The following BLK variants were observed in gnomAD, a reference collection of about 807,000 sequenced individuals.
The protein encoded by BLK is tyrosine-protein kinase Blk.
In BLK, 64 loss-of-function variants were observed where a neutral mutation model predicts 61.8. That is an observed-to-expected ratio of 1.03 (90% CI 0.85 to 1.27). The LOEUF is 1.27. Among genes scored for constraint, BLK ranks in the 50% most tolerant of loss-of-function variants. BLK has a pLI of 0.00. For missense variants in BLK, 853 were observed against 660.5 expected, an observed-to-expected ratio of 1.29 and a Z score of -3.19; for synonymous variants, 351 against 272.0, an observed-to-expected ratio of 1.29 and a Z score of -2.86.
In BLK at chr8:11,556,786, G is replaced by T. The variant is rs774184337; in HGVS notation, c.901G>T (p.Ala301Ser). Residue 301 changes from alanine (A) to serine (S), a missense_variant, in exon 9 of 13, where the codon GCA (alanine) becomes TCA (serine). Coordinates refer to ENST00000259089, the MANE Select transcript of BLK (RefSeq NM_001715.3). ...GCACGAGCGGCTGGTCCGACTCTAC[G>T]CAGTGGTCACCAAGGAGCCCATCTA... ...LQHERLVRLY[A>S]VVTKEPIYIV... The T allele has an allele frequency of 6.2e-7, 1 of 1,614,190 alleles. No individual in the cohort carries two copies. Among genetic ancestry groups the T allele is most frequent in the Non-Finnish European group, 8.5e-7 (1 of 1,180,028 alleles).
intron 10 of BLK, chr8:11,558,741 G>A (rs892665250): frequency 2.2e-6 from 1 of 456,082 alleles, no homozygotes; most frequent in Non-Finnish European, 4.4e-6. Flanking sequence ...AAGCACATCT[G>A]GTGGCCCTGT....
At position 11,550,254 on chromosome 8, in the gene BLK, C is replaced by T. The variant is rs547792358; in HGVS notation, c.464C>T (p.Thr155Ile). Residue 155 changes from threonine to isoleucine, a missense_variant, in exon 6 of 13, where the codon ACC becomes ATC. Thr to Ile is a moderately conservative substitution (Grantham distance 89). Transcript: ENST00000259089. ...AGSFLIRESE[T>I]NKGAFSLSVK... ...TCCTTTCTTATCAGAGAGAGTGAAA[C>T]CAACAAAGGTAGGCTTGGTGGCTTT... The T allele has an allele frequency of 6.2e-7, 1 of 1,613,896 alleles. No homozygotes were observed. The highest frequency in any genetic ancestry group is 1.3e-5 in the African/African-American group (1 of 75,062).
At position 11,561,489 on chromosome 8, in the gene BLK, CCTTAT is replaced by C; in HGVS notation, c.1180+41_1180+45del. Reference sequence around the variant, plus strand: ...CCCTAACCACAAGGGAAACCTAGGGCCTTATCTTTCCCAGCTCCTCAAAGCCGCCT... The same window carrying C: ...CCCTAACCACAAGGGAAACCTAGGGCCTTTCCCAGCTCCTCAAAGCCGCCT... On this transcript the variant is annotated intron_variant, in intron 11 of 12. Transcript: ENST00000259089. 2.5e-6 allele frequency: 4 copies of C among 1,606,744 alleles called. No individual in the cohort carries two copies. In the South Asian group the frequency reaches 4.5e-5, roughly 18 times the overall value.
chr8:11,510,965 T>C (rs1264351999), intron 1 of BLK, among the ~76,000 whole-genome samples: 2 of 152,210 alleles, frequency 1.3e-5, no homozygotes, highest in Non-Finnish European at 2.9e-5. Flanking sequence ...TTTGGCATTT[T>C]AAAACACATG....
chr8:11,512,039 TCAAGTGG>T (rs2117290437), intron 1 of BLK, among the ~76,000 whole-genome samples: 1 of 152,304 alleles, frequency 6.6e-6, no homozygotes, highest in African/African-American at 2.4e-5. Flanking sequence ...CTACAATGTA[TCAAGTGG>T]TAAGATGGGG....
At position 11,523,739 on chromosome 8, in the gene BLK, A is replaced by G. The variant is rs558694369; in HGVS notation, c.-1-19485A>G. On this transcript the variant is annotated intron_variant, in intron 1 of 12. Coordinates refer to ENST00000259089, the MANE Select transcript of BLK (RefSeq NM_001715.3). ...AGACGTGGATGATCAAATCATAATA[A>G]GAGAAACACAAGTGGCTAATAAGTA... Among the ~76,000 whole-genome samples, 49 of 152,366 alleles carry G rather than the reference A, an allele frequency of 3.2e-4. 1 individual carries two copies. The Middle Eastern group carries it at 0.01, about 32-fold the overall frequency.
intron 1 of BLK, among the ~76,000 whole-genome samples, chr8:11,524,566 A>G (rs975273227): frequency 3.9e-5 from 6 of 152,244 alleles, no homozygotes; most frequent in African/African-American, 1.4e-4. Context: ...GCCAAAATAT[A>G]TCGGAAGACT....
At position 11,563,940 on chromosome 8, in the gene BLK, C is replaced by T. The variant is rs760562157; in HGVS notation, c.1350C>T (p.Arg450=). ...CCGAGGTCATCCGCAACCTGGAGCG[C>T]GGCTACCGCATGCCGCGCCCCGACA... ...SNPEVIRNLE[R]GYRMPRPDTC... is the part of the protein sequence containing the mutation. Residue 450 remains arginine, a synonymous_variant, in exon 13 of 13, where the codon CGC becomes CGT. Coordinates refer to ENST00000259089, the MANE Select transcript of BLK (RefSeq NM_001715.3). 1.2e-5 allele frequency: 19 copies of T among 1,607,944 alleles called. No individual in the cohort carries two copies. The South Asian group carries it at 1.8e-4, about 15-fold the overall frequency.
chr8:11,527,802 C>G (rs536864993), intron 1 of BLK, among the ~76,000 whole-genome samples: 2 of 151,624 alleles, frequency 1.3e-5, no homozygotes, highest in African/African-American at 4.9e-5. Flanking sequence ...CTCAAAAGAC[C>G]AATCTTAGGT....
chr8:11,549,845 C>T (rs1585399653), intron 5 of BLK: 1 of 395,934 alleles, frequency 2.5e-6, no homozygotes, highest in Non-Finnish European at 4.8e-6. Flanking sequence ...GCCTGTGATA[C>T]GCAGCTGTGC....
At chr8:11,553,824 G>A (rs1200481457) in intron 6 of BLK, among the ~76,000 whole-genome samples, 2 of 152,166 alleles carry the variant, frequency 1.3e-5, no homozygotes, top group Admixed American at 6.5e-5. Flanking sequence ...AGGATGGAAG[G>A]GGGTTGAGGC....
chr8:11,526,556 T>C (rs1247164686), intron 1 of BLK, among the ~76,000 whole-genome samples: 1 of 152,032 alleles, frequency 6.6e-6, no homozygotes, highest in East Asian at 1.9e-4. Context: ...CCATCTCTAA[T>C]ACAAATACAA....
chr8:11,525,393 C>T (rs970329786), intron 1 of BLK, among the ~76,000 whole-genome samples: 3 of 152,106 alleles, frequency 2.0e-5, no homozygotes, highest in African/African-American at 7.2e-5. Context: ...CAAAAATGTC[C>T]AGGTATTTTC....
intron 1 of BLK, among the ~76,000 whole-genome samples, chr8:11,534,044 C>G (rs1342073222): frequency 1.3e-5 from 2 of 152,186 alleles, no homozygotes; most frequent in African/African-American, 4.8e-5. Flanking sequence ...CATGACCTGC[C>G]TGCATCAGCA....
intron 1 of BLK, among the ~76,000 whole-genome samples, chr8:11,541,583 C>T (rs561137619): frequency 2.6e-5 from 4 of 151,892 alleles, no homozygotes; most frequent in East Asian, 1.9e-4. Context: ...CTACAACCTC[C>T]GCCTCCTGGG....
chr8:11,560,624 G>C, intron 10 of BLK: 2 of 341,722 alleles, frequency 5.9e-6, no homozygotes, highest in South Asian at 4.5e-5. Context: ...GCTATCCCTG[G>C]CCCAGGCTGG....
chr8:11,495,035 C>T (rs953780953), intron 1 of BLK, among the ~76,000 whole-genome samples: 1 of 152,138 alleles, frequency 6.6e-6, no homozygotes, highest in African/African-American at 2.4e-5. Flanking sequence ...CTGTTGCTTT[C>T]GTTTTATTTG....
rs1250870909 is a variant in BLK at position 11,553,289 on chromosome 8, C to T, written c.473-1454C>T. ...GTGAGGATAGACTAGTTTCACAGCT[C>T]AAAGGCAGGCGGTCCTTCAGTGCTG... On this transcript the variant is annotated intron_variant, in intron 6 of 12. Coordinates refer to ENST00000259089, the MANE Select transcript of BLK (RefSeq NM_001715.3). 3 of 341,214 alleles carry T rather than the reference C, an allele frequency of 8.8e-6. 1 individual carries two copies. Among genetic ancestry groups the T allele is most frequent in the South Asian group, 7.2e-5 (3 of 41,604 alleles). 21.1% of individuals were successfully genotyped at this position (341,214 alleles called of 1,614,324 possible). A position where few individuals can be genotyped will look rare whatever the true frequency, so the allele number is the denominator to read the frequency against.
At chr8:11,533,379 C>T (rs1447183901) in intron 1 of BLK, among the ~76,000 whole-genome samples, 1 of 152,182 alleles carries the variant, frequency 6.6e-6, no homozygotes, top group Admixed American at 6.5e-5. Flanking sequence ...ACACATTCCA[C>T]CTCTGGGTTC....
Sources: gnomAD v4.1 joint callset for allele counts (sites outside exome capture counted in the v4.1 genomes callset) on GRCh38, gnomAD v4.1.1 for gene constraint, MANE v1.5 for transcripts, NCBI Gene and HGNC (gene_info 2026-07-23, HGNC 2026-07-21) for gene names.